Variants in ADCY8 observed in about 807,000 individuals in gnomAD.
The protein encoded by ADCY8 is adenylate cyclase 8.
In ADCY8, 51 loss-of-function variants were observed where a neutral mutation model predicts 119.7. That is an observed-to-expected ratio of 0.43 (90% CI 0.34 to 0.54). ADCY8 has a LOEUF of 0.54. Among genes scored for constraint, ADCY8 ranks in the 20% least tolerant of loss-of-function variants. ADCY8 has a pLI of 0.03. For missense variants in ADCY8, 1,383 were observed against 1,598.8 expected (o/e 0.87, Z 2.30); for synonymous variants, 665 against 651.0 (o/e 1.02, Z -0.33).
At chr8:131,015,141 TGA>T (rs1469145149) in intron 1 of ADCY8, among the ~76,000 whole-genome samples, 2 of 152,170 alleles carry the variant, frequency 1.3e-5, no homozygotes, top group African/African-American at 4.8e-5. Flanking sequence ...TTCAATTTGG[TGA>T]GAGCAGGAAC....
At position 130,815,055 on chromosome 8, in the gene ADCY8, C is replaced by T. The variant is rs78749604; in HGVS notation, c.2755-828G>A. Among the ~76,000 whole-genome samples, 287 of 152,230 alleles carry T rather than the reference C, an allele frequency of 1.9e-3. 2 individuals carry two copies. The highest frequency in any genetic ancestry group is 3.1e-3 in the Non-Finnish European group (212 of 68,022). On this transcript the variant is annotated intron_variant, in intron 13 of 17. Coordinates refer to ENST00000286355, the MANE Select transcript of ADCY8 (RefSeq NM_001115.3). ...GATGAGGTCATGCTGGTGTATCCCT[C>T]AGGATGAGATTACTGCCCTTGTAGG...
intron 2 of ADCY8, among the ~76,000 whole-genome samples, chr8:130,958,069 G>C (rs1023273363): frequency 6.6e-6 from 1 of 152,138 alleles, no homozygotes; most frequent in Non-Finnish European, 1.5e-5. Context: ...CCCCAGAATG[G>C]TAGATCTACC....
chr8:131,020,341 T>A (rs1563770853), intron 1 of ADCY8, among the ~76,000 whole-genome samples: 2 of 151,892 alleles, frequency 1.3e-5, no homozygotes, highest in African/African-American at 2.4e-5. Flanking sequence ...TGCTCTAGAG[T>A]GGAAGGAGAA....
chr8:130,804,151 T>G (rs928246484), intron 14 of ADCY8, among the ~76,000 whole-genome samples: 1 of 152,208 alleles, frequency 6.6e-6, no homozygotes, highest in Non-Finnish European at 1.5e-5. Context: ...GTTTACTGTA[T>G]TACCTATAGT....
chr8:130,870,826 G>A (rs982318189), intron 8 of ADCY8, among the ~76,000 whole-genome samples: 14 of 152,082 alleles, frequency 9.2e-5, no homozygotes, highest in Admixed American at 2.0e-4. Context: ...GTACGGAGAC[G>A]TACTTTGCTT....
intron 2 of ADCY8, among the ~76,000 whole-genome samples, chr8:130,975,707 T>A (rs1822050953): frequency 6.6e-6 from 1 of 152,204 alleles, no homozygotes; most frequent in Non-Finnish European, 1.5e-5. Context: ...ATACAGCTAA[T>A]GAGATGCAAA....
At chr8:130,847,110 C>A (rs1015616804) in intron 11 of ADCY8, among the ~76,000 whole-genome samples, 1 of 150,726 alleles carries the variant, frequency 6.6e-6, no homozygotes, top group African/African-American at 2.4e-5. Flanking sequence ...GAGATAAGGG[C>A]AAATGGAAAA....
chr8:130,966,305 A>C (rs765497713), intron 2 of ADCY8, among the ~76,000 whole-genome samples: 2 of 152,172 alleles, frequency 1.3e-5, no homozygotes, highest in Non-Finnish European at 2.9e-5. Flanking sequence ...TTTCAGTCTT[A>C]ACATGTCTGA....
intron 4 of ADCY8, among the ~76,000 whole-genome samples, chr8:130,940,788 T>C (rs1368745404): frequency 6.6e-6 from 1 of 152,216 alleles, no homozygotes; most frequent in African/African-American, 2.4e-5. Context: ...CTTATTGCAA[T>C]CCTTTCCTCT....
intron 7 of ADCY8, among the ~76,000 whole-genome samples, chr8:130,893,592 T>A (rs1819267392): frequency 6.6e-6 from 1 of 152,106 alleles, no homozygotes. Context: ...CCTAAGTTAC[T>A]CCATTTTCTT....
chr8:130,795,429 C>T (rs889932549), intron 15 of ADCY8, among the ~76,000 whole-genome samples: 8 of 152,202 alleles, frequency 5.3e-5, no homozygotes, highest in Admixed American at 1.3e-4. Context: ...TTTGGGACTG[C>T]ACAAGCTGCA....
Position 130,916,149 on chromosome 8 carries a change from C to T in ADCY8, c.1482-6283G>A, listed in dbSNP as rs201257738. On this transcript the variant is annotated intron_variant, in intron 5 of 17. Coordinates refer to ENST00000286355, the MANE Select transcript of ADCY8 (RefSeq NM_001115.3). ...TTGATGGACTAGTTAGAATTTCACCCCGGGTGTATAAGCCTGAACCCATTG... is the reference window on the plus strand; with the variant it reads ...TTGATGGACTAGTTAGAATTTCACCTCGGGTGTATAAGCCTGAACCCATTG... Among the ~76,000 whole-genome samples, 21 of 152,304 alleles carry T rather than the reference C, an allele frequency of 1.4e-4. No homozygotes were observed. The East Asian group carries it at 4.0e-3, about 29-fold the overall frequency.
At position 130,992,759 on chromosome 8, in the gene ADCY8, G is replaced by A. The variant is rs768314117; in HGVS notation, c.961-2217C>T. ...ATTTATGAAAAGGTTTTAGTAGTTC[G>A]TGTGACAACATTGAAGGGCCTAACA... On this transcript the variant is annotated intron_variant, in intron 1 of 17. Coordinates refer to ENST00000286355, the MANE Select transcript of ADCY8 (RefSeq NM_001115.3). Among the ~76,000 whole-genome samples the A allele has an allele frequency of 4.6e-5, 7 of 152,166 alleles. No homozygotes were observed. In the South Asian group the frequency reaches 8.3e-4, roughly 18 times the overall value.
intron 5 of ADCY8, among the ~76,000 whole-genome samples, chr8:130,933,344 T>A (rs1048021416): frequency 2.0e-5 from 3 of 152,238 alleles, no homozygotes; most frequent in African/African-American, 7.2e-5. Context: ...TAAGCAGTAA[T>A]TGGTTAAGAT....
chr8:130,870,483 G>A (rs143479043), intron 8 of ADCY8, among the ~76,000 whole-genome samples: 1,723 of 152,124 alleles, frequency 0.011, 41 homozygotes, highest in African/African-American at 0.039. Flanking sequence ...ATTATCATCC[G>A]ATGACCTTCT....
chr8:131,008,543 C>G (rs375698188), intron 1 of ADCY8, among the ~76,000 whole-genome samples: 2 of 152,150 alleles, frequency 1.3e-5, no homozygotes, highest in African/African-American at 4.8e-5. Context: ...AACTGTGAGT[C>G]AATTAAGCCT....
intron 1 of ADCY8, among the ~76,000 whole-genome samples, chr8:131,009,185 C>A (rs1160255542): frequency 6.6e-6 from 1 of 152,168 alleles, no homozygotes; most frequent in Non-Finnish European, 1.5e-5. Context: ...TGTCAGAGAC[C>A]TTCACAGCAG....
At chr8:130,902,588 T>A (rs569398863) in intron 7 of ADCY8, among the ~76,000 whole-genome samples, 2 of 152,138 alleles carry the variant, frequency 1.3e-5, no homozygotes, top group African/African-American at 4.8e-5. Flanking sequence ...GACAGCCTAG[T>A]CTCAGAGTGC....
chr8:130,854,297 A>T (rs934711254), intron 9 of ADCY8, among the ~76,000 whole-genome samples: 10 of 152,228 alleles, frequency 6.6e-5, no homozygotes, highest in Non-Finnish European at 1.0e-4. Flanking sequence ...CTCAAAAAGA[A>T]TGACTAGTTT....
Sources: gnomAD v4.1 joint callset for allele counts (sites outside exome capture counted in the v4.1 genomes callset) on GRCh38, gnomAD v4.1.1 for gene constraint, MANE v1.5 for transcripts, NCBI Gene and HGNC (gene_info 2026-07-23, HGNC 2026-07-21) for gene names.